Variants in SLC7A2 observed in about 807,000 individuals in gnomAD.
SLC7A2 encodes cationic amino acid transporter 2.
In SLC7A2, 48 loss-of-function variants were observed where a neutral mutation model predicts 58.9. That is an observed-to-expected ratio of 0.82 (90% CI 0.65 to 1.04). The LOEUF is 1.04. Ranked by LOEUF, SLC7A2 falls within the 50% of genes least tolerant of loss-of-function variation. SLC7A2 has a pLI of 0.00. For synonymous variants in SLC7A2, 363 were observed against 314.5 expected, an observed-to-expected ratio of 1.15 and a Z score of -1.63; for missense variants, 1,029 against 818.8, an observed-to-expected ratio of 1.26 and a Z score of -3.13.
At chr8:17,554,878 C>T in intron 8 of SLC7A2, 179 bp downstream of exon 8, 1 of 1,540,130 alleles carries the variant, frequency 6.5e-7, no homozygotes, top group Non-Finnish European at 8.8e-7. Context: ...CAGTCTTTAC[C>T]TGTCTATACC....
intron 2 of SLC7A2, among the ~76,000 whole-genome samples, chr8:17,505,881 T>TA (rs137913463): frequency 0.014 from 2,202 of 152,292 alleles, 72 homozygotes; most frequent in African/African-American, 0.05. Context: ...TGCAGGGCCT[T>TA]ATCAGTTTTT....
At chr8:17,525,491 A>C (rs1254316560) in intron 2 of SLC7A2, among the ~76,000 whole-genome samples, 1 of 152,204 alleles carries the variant, frequency 6.6e-6, no homozygotes, top group Non-Finnish European at 1.5e-5. Flanking sequence ...TCACAGCAAG[A>C]TGTCCTAGAA....
intron 2 of SLC7A2, among the ~76,000 whole-genome samples, chr8:17,529,491 C>G (rs955883438): frequency 6.6e-6 from 1 of 151,374 alleles, no homozygotes; most frequent in Non-Finnish European, 1.5e-5. Context: ...GGCTCAGTCT[C>G]TACGGAGGGA....
In SLC7A2 at chr8:17,561,936, C is replaced by G; in HGVS notation, c.1505-8C>G. 1 of 1,613,748 alleles carries G rather than the reference C, an allele frequency of 6.2e-7. No individual in the cohort carries two copies. The highest frequency in any genetic ancestry group is 1.1e-5 in the South Asian group (1 of 91,032). The stretch of plus-strand genomic sequence containing the variant: ...TGCTGACTCTGTTATCTACACATCC[C>G]CCTGCAGCTTTCCTCGTGTTGGGCC... On this transcript the variant is annotated splice_polypyrimidine_tract_variant and splice_region_variant and intron_variant, in intron 10 of 12. Transcript: ENST00000494857.
chr8:17,552,294 A>G (rs1383559025), intron 7 of SLC7A2, among the ~76,000 whole-genome samples: 1 of 152,136 alleles, frequency 6.6e-6, no homozygotes, highest in South Asian at 2.1e-4. Flanking sequence ...AGTCATGTAT[A>G]TAGGCATTAT....
chr8:17,525,223 C>T (rs2150698602), intron 2 of SLC7A2, among the ~76,000 whole-genome samples: 1 of 152,128 alleles, frequency 6.6e-6, no homozygotes, highest in East Asian at 1.9e-4. Context: ...ATGAGTATTC[C>T]TCTACTTGAA....
At chr8:17,494,749 T>C (rs563631925), upstream of SLC7A2, among the ~76,000 whole-genome samples, 5 of 152,326 alleles carry the variant, frequency 3.3e-5, no homozygotes, top group African/African-American at 1.2e-4. Context: ...TGAGGCAGGA[T>C]TCAGGGTTAA....
intron 2 of SLC7A2, among the ~76,000 whole-genome samples, chr8:17,503,662 G>C (rs928227713): frequency 6.6e-6 from 1 of 152,084 alleles, no homozygotes; most frequent in Admixed American, 6.5e-5. Flanking sequence ...TACTTGTCCT[G>C]ACAAAAATTC....
At chr8:17,530,447 G>GA (rs1158859675) in intron 2 of SLC7A2, among the ~76,000 whole-genome samples, 1 of 152,186 alleles carries the variant, frequency 6.6e-6, no homozygotes, top group Non-Finnish European at 1.5e-5. Context: ...ACTCGTTGGA[G>GA]AATAGCAACA....
chr8:17,539,135 G>A (rs1178618891), intron 2 of SLC7A2, among the ~76,000 whole-genome samples: 7 of 152,146 alleles, frequency 4.6e-5, no homozygotes, highest in African/African-American at 7.2e-5. Flanking sequence ...AGTTTGCTCC[G>A]TCAATGTCAT....
intron 2 of SLC7A2, among the ~76,000 whole-genome samples, chr8:17,531,781 A>C (rs1003544704): frequency 9.2e-5 from 14 of 152,086 alleles, no homozygotes; most frequent in African/African-American, 3.1e-4. Context: ...ATTTTTGTGC[A>C]AAAATTCAAG....
intron 8 of SLC7A2, 111 bp from the exon 9 acceptor site, chr8:17,558,184 C>A: frequency 1.5e-6 from 1 of 684,166 alleles, no homozygotes; most frequent in South Asian, 1.8e-5. Context: ...GTTGACTTAT[C>A]CTTGGTACTA....
Position 17,557,848 on chromosome 8 carries a change from G to T in SLC7A2, c.1196-447G>T, listed in dbSNP as rs559026513. On this transcript the variant is annotated intron_variant, in intron 8 of 12. Coordinates refer to ENST00000494857, the MANE Select transcript of SLC7A2 (RefSeq NM_001370338.1). ...TCTCAAAAAAGAAAAAAAGAATTGA[G>T]TTGTCTATAACTCAGTGCATATGGA... Among the ~76,000 whole-genome samples, 216 of 94,602 alleles carry T rather than the reference G, an allele frequency of 2.3e-3. 2 individuals carry two copies. Among genetic ancestry groups the T allele is most frequent in the African/African-American group, 0.014 (212 of 15,270 alleles). 62.1% of individuals were successfully genotyped at this position (94,602 alleles called of 152,430 possible). A position where few individuals can be genotyped will look rare whatever the true frequency, so the allele number is the denominator to read the frequency against.
At chr8:17,539,652 C>G (rs956086839) in intron 2 of SLC7A2, among the ~76,000 whole-genome samples, 3 of 152,072 alleles carry the variant, frequency 2.0e-5, no homozygotes, top group African/African-American at 7.2e-5. Context: ...GGCCACTTCC[C>G]AAAATCTGCA....
At chr8:17,519,438 A>G (rs1341251711) in intron 2 of SLC7A2, among the ~76,000 whole-genome samples, 1 of 152,186 alleles carries the variant, frequency 6.6e-6, no homozygotes, top group Non-Finnish European at 1.5e-5. Flanking sequence ...TTTTTAAGCA[A>G]CAGTGATGAG....
chr8:17,505,510 C>T (rs1435759893), intron 2 of SLC7A2, among the ~76,000 whole-genome samples: 5 of 152,140 alleles, frequency 3.3e-5, no homozygotes, highest in Non-Finnish European at 7.3e-5. Flanking sequence ...GTTCCCTGGC[C>T]TCAAGGGTAT....
chr8:17,524,945 T>A (rs1015109414), intron 2 of SLC7A2, among the ~76,000 whole-genome samples: 17 of 152,026 alleles, frequency 1.1e-4, no homozygotes, highest in Non-Finnish European at 2.5e-4. Flanking sequence ...AGTGGAGAAA[T>A]TACCAAAAAT....
In SLC7A2 at chr8:17,568,162, ACTTTT is replaced by A. The variant is rs1400954458; in HGVS notation, c.*3024_*3028del. On this transcript the variant is annotated 3_prime_UTR_variant, in exon 13 of 13. Transcript: ENST00000494857. The stretch of plus-strand genomic sequence containing the variant: ...TGATTGAGTAAAAGCAGCTTAAATT[ACTTTT>A]CTTTTCTACATTAAGAAATATATTC... 6.6e-6 allele frequency: 1 copy of A among 152,152 alleles called. No individual in the cohort carries two copies. Among genetic ancestry groups the A allele is most frequent in the African/African-American group, 2.4e-5 (1 of 41,454 alleles). 9.4% of individuals were successfully genotyped at this position (152,152 alleles called of 1,614,324 possible).
chr8:17,526,932 G>C (rs190832228), intron 2 of SLC7A2, among the ~76,000 whole-genome samples: 1 of 152,166 alleles, frequency 6.6e-6, no homozygotes, highest in African/African-American at 2.4e-5. Flanking sequence ...ATAAGTTCGA[G>C]AGAAATGTGG....
Sources: allele counts gnomAD v4.1 joint callset (sites outside exome capture counted in the v4.1 genomes callset), GRCh38; gene constraint gnomAD v4.1.1; transcripts MANE v1.5; gene names NCBI Gene and HGNC (gene_info 2026-07-23, HGNC 2026-07-21).